The following NOS3 variants were observed in gnomAD, a reference collection of about 807,000 sequenced individuals.
NOS3 encodes the protein NOS type III.
A neutral mutation model predicts 144.9 loss-of-function variants in NOS3; 98 were observed. The observed-to-expected ratio is 0.68, with a 90% CI of 0.57 to 0.80. The LOEUF is 0.80. Among genes scored for constraint, NOS3 ranks in the 30% least tolerant of loss-of-function variants. The pLI, the probability that NOS3 is intolerant of heterozygous loss-of-function variation, is 0.00. For missense variants in NOS3, 1,465 were observed against 1,656.4 expected (o/e 0.88, Z 2.01); for synonymous variants, 714 against 702.4 (o/e 1.02, Z -0.26).
At chr7:150,995,352 A>G (rs751094235) in intron 3 of NOS3, 38 bp downstream of exon 3, 6 of 1,451,070 alleles carry the variant, frequency 4.1e-6, no homozygotes, top group Non-Finnish European at 5.8e-6. Flanking sequence ...GTCTCCAGGG[A>G]AAGGGTGGGT....
At position 151,009,599 on chromosome 7, in the gene NOS3, TG is replaced by T; in HGVS notation, c.2512+17del. The T allele has an allele frequency of 6.6e-7, 1 of 1,513,506 alleles. No individual in the cohort carries two copies. The allele number at this position is 1,513,506 out of a possible 1,614,324, so 93.8% of individuals were successfully genotyped here. A position where few individuals can be genotyped will look rare whatever the true frequency, so the allele number is the denominator to read the frequency against. ...AGGGCAGCCCTGGTGAGGGGCAGCC[TG>T]GGAAGCAACAGGGCACACCAGCCCC... On this transcript the variant is annotated intron_variant, in intron 20 of 26. Coordinates refer to ENST00000297494, the MANE Select transcript of NOS3 (RefSeq NM_000603.5).
chr7:150,994,600 C>T (rs772483748), intron 2 of NOS3, among the ~76,000 whole-genome samples: 2 of 152,104 alleles, frequency 1.3e-5, no homozygotes, highest in Admixed American at 6.5e-5. Flanking sequence ...AGGAAAGACC[C>T]GGAGGCCTGG....
Position 150,998,610 on chromosome 7 carries a change from T to C in NOS3, c.746T>C (p.Val249Ala). ...TTCCGAATCTGGAACAGCCAGCTGGTGCGCTACGCGGGCTACCGGCAGCAG... is the reference window on the plus strand; with the variant it reads ...TTCCGAATCTGGAACAGCCAGCTGGCGCGCTACGCGGGCTACCGGCAGCAG... ...GDFRIWNSQL[V>A]RYAGYRQQDG... Residue 249 changes from valine to alanine, a missense_variant, in exon 7 of 27, where the codon GTG (valine) becomes GCG (alanine). Coordinates refer to ENST00000297494, the MANE Select transcript of NOS3 (RefSeq NM_000603.5). The surrounding 1 kb of genome is among the most constrained non-coding windows in gnomAD (Gnocchi z 5.0). The C allele has an allele frequency of 6.2e-7, 1 of 1,608,756 alleles. No homozygotes were observed. The highest frequency in any genetic ancestry group is 1.7e-5 in the Admixed American group (1 of 59,446).
At position 150,993,645 on chromosome 7, in the gene NOS3, C is replaced by G. The variant is rs770773132; in HGVS notation, c.-51-108C>G. On this transcript the variant is annotated intron_variant, in intron 1 of 26. Coordinates refer to ENST00000297494, the MANE Select transcript of NOS3 (RefSeq NM_000603.5). This position sits in a 1 kb window ranked among gnomAD's most constrained non-coding sequence, Gnocchi z 4.0. ...AGCTGAGGCTTTAGAGCCTCCCAGCCGGGCTTGTTCCTGTCCCATTGTGTA... is the reference window on the plus strand; with the variant it reads ...AGCTGAGGCTTTAGAGCCTCCCAGCGGGGCTTGTTCCTGTCCCATTGTGTA... 36 of 692,064 alleles carry G rather than the reference C, an allele frequency of 5.2e-5. No homozygotes were observed. The highest frequency in any genetic ancestry group is 7.5e-5 in the African/African-American group (4 of 53,678). The allele number at this position is 692,064 out of a possible 1,614,324, so 42.9% of individuals were successfully genotyped here.
At chr7:151,005,507 A>T (rs1242013199) in intron 14 of NOS3, among the ~76,000 whole-genome samples, 1 of 152,128 alleles carries the variant, frequency 6.6e-6, no homozygotes, top group African/African-American at 2.4e-5. Flanking sequence ...CCACCCATGA[A>T]ATCCACTAAA....
At position 150,993,738 on chromosome 7, in the gene NOS3, CTCCCTCTTCCTAAGGAAA is replaced by C. The variant is rs1462557522; in HGVS notation, c.-51-14_-48del. On this transcript the variant is annotated splice_acceptor_variant and splice_polypyrimidine_tract_variant and 5_prime_UTR_variant and intron_variant, in exon 2 of 27. Coordinates refer to ENST00000297494, the MANE Select transcript of NOS3 (RefSeq NM_000603.5). LOFTEE classifies it low-confidence loss of function (5UTR_SPLICE). The surrounding 1 kb of genome is among the most constrained non-coding windows in gnomAD (Gnocchi z 4.0). ...CCCACTGCCCCCTCCTCTCGGTCCC[CTCCCTCTTCCTAAGGAAA>C]AGGCCAGGGCTCTGCTGGAGCAGGC... The C allele has an allele frequency of 3.9e-6, 6 of 1,522,944 alleles. No individual in the cohort carries two copies. In the African/African-American group the frequency reaches 8.4e-5, roughly 21 times the overall value. 94.3% of individuals were successfully genotyped at this position (1,522,944 alleles called of 1,614,324 possible). A position where few individuals can be genotyped will look rare whatever the true frequency, so the allele number is the denominator to read the frequency against.
chr7:150,997,008 G>A, intron 5 of NOS3, 83 bp downstream of exon 5: 1 of 1,440,964 alleles, frequency 6.9e-7, no homozygotes. Context: ...GCTTCCCGGG[G>A]GCTGGGAGGT....
Position 150,998,192 on chromosome 7 carries a change from CAG to C in NOS3, c.583-160_583-159del, listed in dbSNP as rs1267232625. Reference sequence around the variant, plus strand: ...GCAGCCCGGATGGTGCTACATATGTCAGAGAGCAGGGCAGGAAGGGATCAGTG... The same window carrying C: ...GCAGCCCGGATGGTGCTACATATGTCAGAGCAGGGCAGGAAGGGATCAGTG... On this transcript the variant is annotated intron_variant, in intron 5 of 26. Coordinates refer to ENST00000297494, the MANE Select transcript of NOS3 (RefSeq NM_000603.5). The surrounding 1 kb of genome is among the most constrained non-coding windows in gnomAD (Gnocchi z 5.0). Among the ~76,000 whole-genome samples the C allele has an allele frequency of 1.3e-5, 2 of 152,170 alleles. No homozygotes were observed. Among genetic ancestry groups the C allele is most frequent in the Non-Finnish European group, 2.9e-5 (2 of 68,016 alleles).
At chr7:151,004,983 G>A (rs3918182) in intron 14 of NOS3, among the ~76,000 whole-genome samples, 52,887 of 151,898 alleles carry the variant, frequency 0.35, 9,523 homozygotes, top group African/African-American at 0.38. Flanking sequence ...TCAGCCTCCC[G>A]AGTAGCTGGG....
chr7:151,011,075 G>C (rs1262841801), intron 23 of NOS3, 89 bp downstream of exon 23: 6 of 849,154 alleles, frequency 7.1e-6, no homozygotes, highest in African/African-American at 6.7e-5. Flanking sequence ...GGTGTCACTG[G>C]AAACAGGAAG....
Position 151,009,286 on chromosome 7 carries a change from C to A in NOS3, c.2324+19C>A. The A allele has an allele frequency of 6.3e-7, 1 of 1,599,662 alleles. No homozygotes were observed. Among genetic ancestry groups the A allele is most frequent in the Non-Finnish European group, 8.5e-7 (1 of 1,170,316 alleles). ...AGTCCACGTGAGGACGACGGCTTTA[C>A]CGCCCCCCCACCCCTGTCCTGAACA... is the stretch of plus-strand genomic sequence containing the variant. On this transcript the variant is annotated intron_variant, in intron 19 of 26. Transcript: ENST00000297494.
At chr7:150,995,539 AT>A in intron 3 of NOS3, among the ~76,000 whole-genome samples, 1 of 20,590 alleles carries the variant, frequency 4.9e-5, no homozygotes, top group South Asian at 1.6e-3. Context: ...ACTCTCCCCC[AT>A]CCCACCCCTG....
chr7:151,001,728 T>C, intron 12 of NOS3, 93 bp from the exon 13 acceptor site: 1 of 1,581,532 alleles, frequency 6.3e-7, no homozygotes, highest in Non-Finnish European at 8.7e-7. Context: ...CCACTCAGTA[T>C]CCCAAAACCC....
rs996081462 is a variant in NOS3 at position 150,993,940 on chromosome 7, T to G, written c.137T>G (p.Leu46Arg). The G allele has an allele frequency of 7.0e-6, 11 of 1,570,346 alleles. No individual in the cohort carries two copies. Among genetic ancestry groups the G allele is most frequent in the Non-Finnish European group, 9.5e-6 (11 of 1,160,186 alleles). ...CCCAGCCGGGCCCCAGCATCCCTAC[T>G]CCCACCAGCGCCAGAACACAGGTAA... is the stretch of plus-strand genomic sequence containing the variant. Reference protein sequence around the residue: ...PEPSRAPASLLPPAPEHSPPS... With the variant: ...PEPSRAPASLRPPAPEHSPPS... The change falls in exon 2 of 27, where the codon CTC becomes CGC. Residue 46 changes from leucine to arginine, a missense_variant. Leu to Arg is a moderately radical substitution (Grantham distance 102). Coordinates refer to ENST00000297494, the MANE Select transcript of NOS3 (RefSeq NM_000603.5). The surrounding 1 kb of genome is among the most constrained non-coding windows in gnomAD (Gnocchi z 4.0).
At chr7:150,995,366 G>T (rs376311433) in intron 3 of NOS3, 52 bp downstream of exon 3, 14 of 1,305,642 alleles carry the variant, frequency 1.1e-5, no homozygotes, top group Non-Finnish European at 1.5e-5. Flanking sequence ...GGTGGGTAAG[G>T]CCTGGCCTCA....
In NOS3 at chr7:151,013,165, T is replaced by G. The variant is rs533384367; in HGVS notation, c.3107-66T>G. The G allele has an allele frequency of 1.1e-4, 175 of 1,534,592 alleles. No individual in the cohort carries two copies. The Middle Eastern group carries it at 1.2e-3, about 11-fold the overall frequency. ...GCTGCCAGGCTGGGCGACGGTGGCC[T>G]GTGGGGAGGCCCCACTAGCACTGTG... is the stretch of plus-strand genomic sequence containing the variant. On this transcript the variant is annotated intron_variant, in intron 24 of 26. Transcript: ENST00000297494.
chr7:151,008,922 TC>T lies in NOS3; in HGVS notation c.2113-5del. ...GAGGTCCTCAGCCCTCACCGGCCTG[TC>T]CCGCAGGCCGCCTGTGAGACCTTCT... On this transcript the variant is annotated splice_region_variant and splice_polypyrimidine_tract_variant and intron_variant, in intron 17 of 26. Coordinates refer to ENST00000297494, the MANE Select transcript of NOS3 (RefSeq NM_000603.5). 1 of 1,605,440 alleles carries T rather than the reference TC, an allele frequency of 6.2e-7. No homozygotes were observed. The highest frequency in any genetic ancestry group is 2.2e-5 in the East Asian group (1 of 44,586).
rs550402766 is a variant in NOS3, at chr7:151,013,215, G to T, written c.3107-16G>T. 6.2e-7 allele frequency: 1 copy of T among 1,607,552 alleles called. No individual in the cohort carries two copies. Among genetic ancestry groups the T allele is most frequent in the Non-Finnish European group, 8.5e-7 (1 of 1,176,448 alleles). ...GCCCCGGAGAAGAGCCTTCCCAAGC[G>T]CGGGGTTGCTTGCAGGGCTGCAGCC... On this transcript the variant is annotated splice_polypyrimidine_tract_variant and intron_variant, in intron 24 of 26. Transcript: ENST00000297494.
In NOS3 at chr7:151,014,175, G is replaced by T. The variant is rs151197128; in HGVS notation, c.*6G>T. ...CAGACACCAACAGCCCCTGAGAGCC[G>T]CCTGGCTTTCCCTTCCAGTTCCGGG... On this transcript the variant is annotated 3_prime_UTR_variant, in exon 27 of 27. Transcript: ENST00000297494. 2 of 1,593,838 alleles carry T rather than the reference G, an allele frequency of 1.3e-6. No homozygotes were observed. Among genetic ancestry groups the T allele is most frequent in the Non-Finnish European group, 1.7e-6 (2 of 1,166,924 alleles).
Sources: gnomAD v4.1 joint callset for allele counts (sites outside exome capture counted in the v4.1 genomes callset) on GRCh38, gnomAD v4.1.1 for gene constraint, Gnocchi (gnomAD v3.1) non-coding constraint, MANE v1.5 for transcripts, NCBI Gene and HGNC (gene_info 2026-07-23, HGNC 2026-07-21) for gene names.